The following PTPRT variants were observed in gnomAD, a reference collection of about 807,000 sequenced individuals.
PTPRT encodes receptor-type tyrosine-protein phosphatase T.
PTPRT carries 56 observed loss-of-function variants against 176.8 expected under a neutral mutation model. The ratio of observed to expected loss-of-function variants is 0.32; its 90% CI spans 0.26 to 0.40. The LOEUF is 0.40. Ranked by LOEUF, PTPRT falls within the 10% of genes least tolerant of loss-of-function variation. The probability of loss-of-function intolerance (pLI) is 1.00; values close to 1 mark genes in which losing one functional copy is unlikely to be tolerated. For synonymous variants in PTPRT, 783 were observed against 739.0 expected, an observed-to-expected ratio of 1.06 and a Z score of -0.96; for missense variants, 1,540 against 1,908.2, an observed-to-expected ratio of 0.81 and a Z score of 3.60.
intron 1 of PTPRT, among the ~76,000 whole-genome samples, chr20:43,127,951 A>C (rs959072650): frequency 6.6e-6 from 1 of 152,168 alleles, no homozygotes; most frequent in African/African-American, 2.4e-5. Flanking sequence ...CATAGCTGCA[A>C]ATCTGGATAC....
intron 5 of PTPRT, among the ~76,000 whole-genome samples, chr20:42,760,716 C>T (rs1022923670): frequency 6.6e-6 from 1 of 152,010 alleles, no homozygotes; most frequent in East Asian, 1.9e-4. Context: ...AAGAGTGGTC[C>T]CTGAATCTAC....
intron 9 of PTPRT, among the ~76,000 whole-genome samples, chr20:42,364,997 G>A (rs1260925430): frequency 6.6e-6 from 1 of 152,222 alleles, no homozygotes; most frequent in Non-Finnish European, 1.5e-5. Context: ...GAAATAGGAT[G>A]TGAGCCACAT....
At chr20:42,968,083 C>T (rs1320616120) in intron 1 of PTPRT, among the ~76,000 whole-genome samples, 1 of 152,190 alleles carries the variant, frequency 6.6e-6, no homozygotes, top group Non-Finnish European at 1.5e-5. Context: ...AAGGCTGTCA[C>T]AGGCTATTCC....
chr20:42,535,090 G>A (rs891941681), intron 7 of PTPRT, among the ~76,000 whole-genome samples: 3 of 152,098 alleles, frequency 2.0e-5, no homozygotes, highest in South Asian at 2.1e-4. Flanking sequence ...TAAATAAGGC[G>A]CTGTTACCAA....
chr20:42,935,861 TGCCTCA>T (rs1726492484), intron 1 of PTPRT, among the ~76,000 whole-genome samples: 2 of 152,184 alleles, frequency 1.3e-5, no homozygotes, highest in South Asian at 4.1e-4. Context: ...GTAATTCTCC[TGCCTCA>T]GCCTCCCGAG....
intron 16 of PTPRT, among the ~76,000 whole-genome samples, chr20:42,182,929 T>C (rs1221927933): frequency 6.6e-6 from 1 of 151,364 alleles, no homozygotes; most frequent in Non-Finnish European, 1.5e-5. Flanking sequence ...TGTGTGTGTG[T>C]GTGTGTGTGT....
At chr20:43,047,490 A>G (rs1040333557) in intron 1 of PTPRT, among the ~76,000 whole-genome samples, 1 of 152,130 alleles carries the variant, frequency 6.6e-6, no homozygotes, top group Admixed American at 6.5e-5. Flanking sequence ...TCTGAGAGAC[A>G]TTCACTCTTG....
At chr20:42,495,466 A>C (rs186260028) in intron 7 of PTPRT, among the ~76,000 whole-genome samples, 154 of 152,296 alleles carry the variant, frequency 1.0e-3, no homozygotes, top group Non-Finnish European at 1.9e-3. Flanking sequence ...ATGTCCATGC[A>C]CCTGGCATCC....
chr20:43,009,369 C>T (rs1985008427), intron 1 of PTPRT, among the ~76,000 whole-genome samples: 2 of 152,146 alleles, frequency 1.3e-5, no homozygotes, highest in African/African-American at 4.8e-5. Flanking sequence ...CTTGGGGAAC[C>T]TACAGGCTAC....
In PTPRT at chr20:42,180,097, T is replaced by C. The variant is rs112757153; in HGVS notation, c.2492-18555A>G. ...TCCTTACCCCAGAAGGCTAGGCTAG[T>C]GGTGAGACTCAGCTCTCATAGGCAC... On this transcript the variant is annotated intron_variant, in intron 16 of 30. Transcript: ENST00000373187. Among the ~76,000 whole-genome samples the C allele has an allele frequency of 8.0e-3, 1,213 of 152,316 alleles. 10 individuals are homozygous for C. The highest frequency in any genetic ancestry group is 0.028 in the African/African-American group (1,154 of 41,574).
At chr20:43,165,089 G>A (rs577942629) in intron 1 of PTPRT, among the ~76,000 whole-genome samples, 86 of 151,918 alleles carry the variant, frequency 5.7e-4, no homozygotes, top group African/African-American at 2.0e-3. Context: ...TTCCCGTGCT[G>A]TTCTCATGAT....
In PTPRT at chr20:42,873,299, A is replaced by C. The variant is rs144354110; in HGVS notation, c.214+12508T>G. On this transcript the variant is annotated intron_variant, in intron 2 of 30. Coordinates refer to ENST00000373187, the MANE Select transcript of PTPRT (RefSeq NM_007050.6). ...AGTTGCTTAATCTCTTCGTGCCTCA[A>C]TTTTCCATCTATAAAGTGGGAACAC... Among the ~76,000 whole-genome samples, 729 of 152,262 alleles carry C rather than the reference A, an allele frequency of 4.8e-3. 9 individuals are homozygous for C. The highest frequency in any genetic ancestry group is 0.017 in the African/African-American group (707 of 41,546).
chr20:42,107,939 T>C (rs1227938966), intron 23 of PTPRT, among the ~76,000 whole-genome samples: 3 of 152,236 alleles, frequency 2.0e-5, no homozygotes, highest in East Asian at 3.9e-4. Context: ...GAAACTTTCA[T>C]GGTTTGAATG....
intron 12 of PTPRT, among the ~76,000 whole-genome samples, chr20:42,286,261 C>T (rs1304559170): frequency 2.0e-5 from 3 of 151,716 alleles, no homozygotes; most frequent in African/African-American, 7.3e-5. Context: ...CAAAAGACCG[C>T]AAATAGCCAA....
intron 1 of PTPRT, among the ~76,000 whole-genome samples, chr20:43,132,936 T>C (rs779550840): frequency 6.6e-6 from 1 of 152,194 alleles, no homozygotes; most frequent in Non-Finnish European, 1.5e-5. Context: ...AAAGGTAAAG[T>C]GTTTTATCAT....
intron 1 of PTPRT, among the ~76,000 whole-genome samples, chr20:42,994,122 T>C (rs1039549414): frequency 2.0e-5 from 3 of 152,342 alleles, no homozygotes; most frequent in South Asian, 4.1e-4. Flanking sequence ...ATTTATCCAC[T>C]CCCATTTCAT....
chr20:43,164,263 C>T (rs915899761), intron 1 of PTPRT, among the ~76,000 whole-genome samples: 1 of 152,204 alleles, frequency 6.6e-6, no homozygotes, highest in Non-Finnish European at 1.5e-5. Flanking sequence ...CTGGCTTCCA[C>T]TCCTTCATGC....
At chr20:42,192,370 T>C (rs978252399) in intron 16 of PTPRT, among the ~76,000 whole-genome samples, 4 of 152,360 alleles carry the variant, frequency 2.6e-5, no homozygotes, top group African/African-American at 7.2e-5. Flanking sequence ...GCTTTAGTTA[T>C]ATAACATGTT....
intron 4 of PTPRT, among the ~76,000 whole-genome samples, chr20:42,776,729 TTATA>T (rs1238141443): frequency 6.7e-6 from 1 of 148,786 alleles, no homozygotes; most frequent in East Asian, 1.9e-4. Context: ...TATCATATAA[TTATA>T]TATGATATGC....
Sources: allele counts gnomAD v4.1 joint callset (sites outside exome capture counted in the v4.1 genomes callset), GRCh38; gene constraint gnomAD v4.1.1; transcripts MANE v1.5; gene names NCBI Gene and HGNC (gene_info 2026-07-23, HGNC 2026-07-21).